The following LRRC7 variants were observed in gnomAD, a reference collection of about 807,000 sequenced individuals.
The protein encoded by LRRC7 is leucine-rich repeat-containing protein 7.
LRRC7 carries 23 observed loss-of-function variants against 175.7 expected under a neutral mutation model. That is an observed-to-expected ratio of 0.13 (90% CI 0.09 to 0.19). The LOEUF is 0.19. Among genes scored for constraint, LRRC7 ranks in the 10% least tolerant of loss-of-function variants. LRRC7 has a pLI of 1.00. For missense variants in LRRC7, 1,354 were observed against 1,904.7 expected (o/e 0.71, Z 5.38); for synonymous variants, 685 against 680.9 (o/e 1.01, Z -0.09).
At position 70,130,602 on chromosome 1, in the gene LRRC7, T is replaced by G. The variant is rs982248015; in HGVS notation, c.*8715T>G. Among the ~76,000 whole-genome samples the G allele has an allele frequency of 9.2e-5, 14 of 152,248 alleles. No homozygotes were observed. The stretch of plus-strand genomic sequence containing the variant: ...CATTTAATTTTCCTTTTGTGTGTTC[T>G]AAGGACCTTAACACTATCCAAAAAG... On this transcript the variant is annotated 3_prime_UTR_variant, in exon 27 of 27. Transcript: ENST00000651989.
intron 2 of LRRC7, among the ~76,000 whole-genome samples, chr1:69,682,067 G>C (rs114579032): frequency 6.6e-6 from 1 of 152,200 alleles, no homozygotes; most frequent in Non-Finnish European, 1.5e-5. Context: ...TTGTTTCCTT[G>C]TGGTGGTATG....
At chr1:69,590,104 T>A (rs1369015480) in intron 1 of LRRC7, among the ~76,000 whole-genome samples, 2 of 152,102 alleles carry the variant, frequency 1.3e-5, no homozygotes, top group Admixed American at 1.3e-4. Context: ...TATCTACAAA[T>A]ATTTTCTGTT....
chr1:69,951,498 T>C (rs1649921314), intron 8 of LRRC7, among the ~76,000 whole-genome samples: 1 of 152,000 alleles, frequency 6.6e-6, no homozygotes, highest in Admixed American at 6.6e-5. Context: ...CAAATGTTCA[T>C]TGCAGCGCAG....
At chr1:70,016,318 AT>A in intron 13 of LRRC7, 146 bp from the exon 14 acceptor site, 1 of 476,970 alleles carries the variant, frequency 2.1e-6, no homozygotes, top group Non-Finnish European at 3.6e-6. Flanking sequence ...GGATATTTTC[AT>A]TTTTTTAAAT....
chr1:70,097,373 A>G (rs539208736), intron 25 of LRRC7, among the ~76,000 whole-genome samples: 1 of 152,210 alleles, frequency 6.6e-6, no homozygotes, highest in East Asian at 1.9e-4. Flanking sequence ...GTCTGACTGA[A>G]TATAGCTTAC....
At chr1:69,693,323 G>A (rs78258921) in intron 2 of LRRC7, among the ~76,000 whole-genome samples, 35,022 of 151,992 alleles carry the variant, frequency 0.23, 4,564 homozygotes, top group South Asian at 0.32. Context: ...TTGACCGAGT[G>A]TCTGTGTTAG....
intron 7 of LRRC7, among the ~76,000 whole-genome samples, chr1:69,888,271 C>T (rs1033897031): frequency 5.3e-5 from 8 of 152,158 alleles, no homozygotes; most frequent in Admixed American, 2.0e-4. Flanking sequence ...ATCAGCGAGA[C>T]TCTGTGGGCG....
chr1:70,037,012 AT>A (rs1659381899), intron 20 of LRRC7, among the ~76,000 whole-genome samples: 1 of 152,174 alleles, frequency 6.6e-6, no homozygotes, highest in African/African-American at 2.4e-5. Context: ...TGTTCAATAA[AT>A]TTTCATTGCT....
chr1:69,653,415 A>T (rs1317711204), intron 1 of LRRC7, among the ~76,000 whole-genome samples: 1 of 152,120 alleles, frequency 6.6e-6, no homozygotes, highest in Non-Finnish European at 1.5e-5. Context: ...ACTCAAAACC[A>T]CAATGAGGTA....
rs1422387618 is a variant in LRRC7 at position 69,796,123 on chromosome 1, C to T, written c.421+3963C>T. On this transcript the variant is annotated intron_variant, in intron 4 of 26. Coordinates refer to ENST00000651989, the MANE Select transcript of LRRC7 (RefSeq NM_001370785.2). ...CTATCCCTCCCCCCTCCCCCCTCCC[C>T]CCACCCCTCAACAGTCCCTGGTGTG... is the stretch of plus-strand genomic sequence containing the variant. 7.9e-5 allele frequency among the ~76,000 whole-genome samples: 9 copies of T among 114,032 alleles called. No homozygotes were observed. The East Asian group carries it at 2.0e-3, about 25-fold the overall frequency. 74.8% of individuals were successfully genotyped at this position (114,032 alleles called of 152,430 possible).
At chr1:69,785,628 C>T (rs1427859171) in intron 3 of LRRC7, among the ~76,000 whole-genome samples, 2 of 151,996 alleles carry the variant, frequency 1.3e-5, no homozygotes, top group Admixed American at 1.3e-4. Flanking sequence ...TATTTTGTCT[C>T]TATCAACTAG....
intron 8 of LRRC7, among the ~76,000 whole-genome samples, chr1:69,949,138 GA>G (rs1343157444): frequency 1.3e-3 from 167 of 133,172 alleles, no homozygotes; most frequent in South Asian, 4.0e-3. Context: ...TTGTAATAAA[GA>G]AAAAAAAAAA....
chr1:69,717,080 T>G (rs1665448675), intron 2 of LRRC7, among the ~76,000 whole-genome samples: 1 of 46,362 alleles, frequency 2.2e-5, no homozygotes, highest in South Asian at 7.8e-4. Context: ...TATACATACT[T>G]TTTTTTCAAG....
At chr1:70,117,812 T>G (rs1383270761) in intron 26 of LRRC7, among the ~76,000 whole-genome samples, 2 of 152,180 alleles carry the variant, frequency 1.3e-5, no homozygotes, top group African/African-American at 4.8e-5. Flanking sequence ...TTGTACACAT[T>G]TTATTCAAAT....
chr1:69,726,333 T>C (rs1316428134), intron 2 of LRRC7, among the ~76,000 whole-genome samples: 1 of 152,184 alleles, frequency 6.6e-6, no homozygotes, highest in African/African-American at 2.4e-5. Flanking sequence ...ATCATAAAAT[T>C]TTATCACCAT....
intron 11 of LRRC7, among the ~76,000 whole-genome samples, chr1:70,001,915 A>G (rs1421844776): frequency 6.6e-6 from 1 of 152,118 alleles, no homozygotes; most frequent in African/African-American, 2.4e-5. Context: ...GATATGTATT[A>G]TGTCCTTATC....
rs1306653184 is a variant in LRRC7, at chr1:70,133,534, AATTGCT to A, written c.*11649_*11654del. Among the ~76,000 whole-genome samples the A allele has an allele frequency of 6.6e-6, 1 of 152,094 alleles. No homozygotes were observed. The highest frequency in any genetic ancestry group is 1.5e-5 in the Non-Finnish European group (1 of 68,004). On this transcript the variant is annotated 3_prime_UTR_variant, in exon 27 of 27. Coordinates refer to ENST00000651989, the MANE Select transcript of LRRC7 (RefSeq NM_001370785.2). ...GTTTTTATGCCCCTTGTGCTGATAC[AATTGCT>A]AACAACACCCCTTTCCTTTCTCCTT...
Position 70,082,789 on chromosome 1 carries a change from T to C in LRRC7, c.4452+6491T>C, listed in dbSNP as rs1263899801. 2.0e-3 allele frequency among the ~76,000 whole-genome samples: 200 copies of C among 99,488 alleles called. 31 individuals are homozygous for C. Among genetic ancestry groups the C allele is most frequent in the African/African-American group, 7.1e-3 (181 of 25,362 alleles). 65.3% of individuals were successfully genotyped at this position (99,488 alleles called of 152,430 possible). A position where few individuals can be genotyped will look rare whatever the true frequency, so the allele number is the denominator to read the frequency against. On this transcript the variant is annotated intron_variant, in intron 24 of 26. Transcript: ENST00000651989. ...AATCTTGATACCAGTACATTTTTTTTTTTTTTTTTTTTTTTTTTTTTTTGA... is the reference window on the plus strand; with the variant it reads ...AATCTTGATACCAGTACATTTTTTTCTTTTTTTTTTTTTTTTTTTTTTTGA...
At position 69,994,410 on chromosome 1, in the gene LRRC7, A is replaced by G; in HGVS notation, c.932-151A>G. 5 of 638,302 alleles carry G rather than the reference A, an allele frequency of 7.8e-6. No homozygotes were observed. The South Asian group carries it at 9.1e-5, about 12-fold the overall frequency. 39.5% of individuals were successfully genotyped at this position (638,302 alleles called of 1,614,324 possible). A position where few individuals can be genotyped will look rare whatever the true frequency, so the allele number is the denominator to read the frequency against. On this transcript the variant is annotated intron_variant, in intron 10 of 26. Transcript: ENST00000651989. ...CTAGAAGGTCAAAATTAGACTACAC[A>G]CAAACGTCAGTTTTATGAGTGTGTA...
Sources: allele counts gnomAD v4.1 joint callset (sites outside exome capture counted in the v4.1 genomes callset), GRCh38; gene constraint gnomAD v4.1.1; transcripts MANE v1.5; gene names NCBI Gene and HGNC (gene_info 2026-07-23, HGNC 2026-07-21).